The following NRSN1 variants were observed in gnomAD, a reference collection of about 807,000 sequenced individuals.
NRSN1 encodes neurensin-1.
A neutral mutation model predicts 17.3 loss-of-function variants in NRSN1; 14 were observed. That is an observed-to-expected ratio of 0.81 (90% CI 0.54 to 1.27). The LOEUF (loss-of-function observed/expected upper bound fraction) is 1.27. Among genes scored for constraint, NRSN1 ranks in the 50% most tolerant of loss-of-function variants. NRSN1 has a pLI of 0.00. For missense variants in NRSN1, 209 were observed against 235.9 expected, an observed-to-expected ratio of 0.89 and a Z score of 0.75; for synonymous variants, 79 against 94.2, an observed-to-expected ratio of 0.84 and a Z score of 0.93.
chr6:24,131,393 A>C lies in NRSN1; in HGVS notation c.-9-2926A>C, dbSNP rs901404748. On this transcript the variant is annotated intron_variant, in intron 2 of 3. Transcript: ENST00000378491. ...AAACATAACTCTTACTGTTGCTATGAGGGATTTTTTTTTATTCCTATCATA... is the reference window on the plus strand; with the variant it reads ...AAACATAACTCTTACTGTTGCTATGCGGGATTTTTTTTTATTCCTATCATA... 2.6e-5 allele frequency among the ~76,000 whole-genome samples: 4 copies of C among 152,118 alleles called. No homozygotes were observed. In the South Asian group the frequency reaches 8.3e-4, roughly 32 times the overall value.
At chr6:24,143,972 C>T (rs1374759611) in intron 3 of NRSN1, among the ~76,000 whole-genome samples, 5 of 152,176 alleles carry the variant, frequency 3.3e-5, no homozygotes, top group Non-Finnish European at 5.9e-5. Flanking sequence ...GTGGTAGAAT[C>T]GAAGCATGCG....
intron 3 of NRSN1, among the ~76,000 whole-genome samples, chr6:24,143,526 T>A (rs1165556977): frequency 2.6e-5 from 4 of 152,216 alleles, no homozygotes; most frequent in African/African-American, 4.8e-5. Context: ...TTTATTAGTA[T>A]ATTATCTCAA....
At chr6:24,140,135 T>G (rs2113715985) in intron 3 of NRSN1, among the ~76,000 whole-genome samples, 1 of 152,254 alleles carries the variant, frequency 6.6e-6, no homozygotes, top group Admixed American at 6.5e-5. Flanking sequence ...AAATTAGATT[T>G]GACATTAGAT....
Position 24,145,819 on chromosome 6 carries a change from T to C in NRSN1, c.461T>C (p.Phe154Ser). Reference protein sequence around the residue: ...SKEEKFLQQKFKERIADIKAH... With the variant: ...SKEEKFLQQKSKERIADIKAH... ...GAAGAAAAATTCCTCCAGCAGAAGT[T>C]TAAAGAACGAATCGCAGACATCAAA... Residue 154 changes from phenylalanine (F) to serine (S), a missense_variant, in exon 4 of 4, where the codon TTT (phenylalanine) becomes TCT (serine). Phe to Ser is a radical substitution (Grantham distance 155, BLOSUM62 -2). Transcript: ENST00000378491. This position sits in a 1 kb window ranked among gnomAD's most constrained non-coding sequence, Gnocchi z 4.4. 6.2e-7 allele frequency: 1 copy of C among 1,614,116 alleles called. No individual in the cohort carries two copies. Among genetic ancestry groups the C allele is most frequent in the Non-Finnish European group, 8.5e-7 (1 of 1,180,018 alleles).
At chr6:24,141,274 T>G in intron 3 of NRSN1, 1 of 1,249,340 alleles carries the variant, frequency 8.0e-7, no homozygotes, top group Non-Finnish European at 1.0e-6. Context: ...CCAGAGATAA[T>G]TTTTATGATA....
At chr6:24,127,635 A>G (rs1350635751) in intron 1 of NRSN1, among the ~76,000 whole-genome samples, 2 of 152,204 alleles carry the variant, frequency 1.3e-5, no homozygotes, top group African/African-American at 2.4e-5. Context: ...TAATAAGTAA[A>G]TCATCCAAAG....
At position 24,145,500 on chromosome 6, in the gene NRSN1, G is replaced by A. The variant is rs372957734; in HGVS notation, c.190-48G>A. On this transcript the variant is annotated intron_variant, in intron 3 of 3. Transcript: ENST00000378491. The surrounding 1 kb of genome is among the most constrained non-coding windows in gnomAD (Gnocchi z 4.4). ...GCCCTTGAGGGCTCAGGGGCGAGCC[G>A]AAGCACCTTCCTCACTCTATCTTGC... 149 of 1,476,608 alleles carry A rather than the reference G, an allele frequency of 1.0e-4. No homozygotes were observed. Among genetic ancestry groups the A allele is most frequent in the Admixed American group, 3.8e-4 (17 of 45,246 alleles). The allele number at this position is 1,476,608 out of a possible 1,614,324, so 91.5% of individuals were successfully genotyped here.
In NRSN1 at chr6:24,141,754, T is replaced by C. The variant is rs1215564936; in HGVS notation, c.190-3794T>C. On this transcript the variant is annotated intron_variant, in intron 3 of 3. Transcript: ENST00000378491. ...TGCTCAGCTGAGGAGCAGACTGCTC[T>C]GAGAATCAATCACCTGGCTCTGTGT... Among the ~76,000 whole-genome samples, 3 of 152,226 alleles carry C rather than the reference T, an allele frequency of 2.0e-5. No individual in the cohort carries two copies. In the East Asian group the frequency reaches 5.8e-4, roughly 29 times the overall value.
intron 2 of NRSN1, among the ~76,000 whole-genome samples, chr6:24,133,600 G>T (rs1197741694): frequency 2.2e-4 from 34 of 152,134 alleles, no homozygotes; most frequent in Non-Finnish European, 2.9e-5. Context: ...ACATGTAAGT[G>T]CAAAGACAAC....
intron 3 of NRSN1, among the ~76,000 whole-genome samples, chr6:24,144,851 A>G (rs1056806348): frequency 2.0e-5 from 3 of 151,894 alleles, no homozygotes; most frequent in Non-Finnish European, 4.4e-5. Context: ...GCTTCTAACA[A>G]TGTCGAGGCC....
intron 3 of NRSN1, among the ~76,000 whole-genome samples, chr6:24,144,752 T>G (rs1760274153): frequency 6.6e-6 from 1 of 152,162 alleles, no homozygotes; most frequent in South Asian, 2.1e-4. Flanking sequence ...TTTGTCTCAC[T>G]TCATCATGGT....
intron 2 of NRSN1, among the ~76,000 whole-genome samples, chr6:24,130,154 CT>C (rs1353626009): frequency 1.3e-5 from 2 of 152,240 alleles, no homozygotes; most frequent in East Asian, 3.9e-4. Flanking sequence ...TAGATTTAAC[CT>C]TTTTGTTGTT....
intron 3 of NRSN1, among the ~76,000 whole-genome samples, chr6:24,140,286 A>C (rs938840331): frequency 6.6e-6 from 1 of 152,152 alleles, no homozygotes; most frequent in Non-Finnish European, 1.5e-5. Flanking sequence ...GCTTTCGAAG[A>C]TGGAGGCAGT....
chr6:24,141,344 T>A, intron 3 of NRSN1: 1 of 954,492 alleles, frequency 1.0e-6, no homozygotes, highest in Non-Finnish European at 1.3e-6. Context: ...GTACCAAGAC[T>A]AAGCTGATGA....
chr6:24,145,717 C>G lies in NRSN1; in HGVS notation c.359C>G (p.Ala120Gly), dbSNP rs1162520267. 4 of 1,614,168 alleles carry G rather than the reference C, an allele frequency of 2.5e-6. No homozygotes were observed. Among genetic ancestry groups the G allele is most frequent in the Non-Finnish European group, 3.4e-6 (4 of 1,179,996 alleles). The change falls in exon 4 of 4, where the codon GCT becomes GGT. Residue 120 changes from alanine (A) to glycine (G), a missense_variant. Transcript: ENST00000378491. The surrounding 1 kb of genome is among the most constrained non-coding windows in gnomAD (Gnocchi z 4.4). ...CTGGACATGTACAAGCTGGCAGGAG[C>G]TGTTCTCTTCTGCATTGGAGGCACG... The part of the protein sequence containing the change: ...SALDMYKLAG[A>G]VLFCIGGTSM...
At position 24,137,284 on chromosome 6, in the gene NRSN1, C is replaced by T. The variant is rs576809867; in HGVS notation, c.189+2768C>T. Reference sequence around the variant, plus strand: ...TCTGAGTTAGAATCTTTATTGCATGCATCTGCATAACATCTATTTCACAGT... The same window carrying T: ...TCTGAGTTAGAATCTTTATTGCATGTATCTGCATAACATCTATTTCACAGT... On this transcript the variant is annotated intron_variant, in intron 3 of 3. Transcript: ENST00000378491. Among the ~76,000 whole-genome samples, 9 of 152,330 alleles carry T rather than the reference C, an allele frequency of 5.9e-5. No homozygotes were observed. In the East Asian group the frequency reaches 1.7e-3, roughly 29 times the overall value.
At chr6:24,133,438 C>T (rs997602427) in intron 2 of NRSN1, among the ~76,000 whole-genome samples, 1 of 152,134 alleles carries the variant, frequency 6.6e-6, no homozygotes, top group Non-Finnish European at 1.5e-5. Flanking sequence ...GTTAAAATGT[C>T]AGAGGAAGAT....
At chr6:24,133,172 A>G (rs1477692337) in intron 2 of NRSN1, among the ~76,000 whole-genome samples, 1 of 152,218 alleles carries the variant, frequency 6.6e-6, no homozygotes, top group Non-Finnish European at 1.5e-5. Flanking sequence ...TGCCTAGGAC[A>G]TAGTTTTATT....
rs550779617 is a variant in NRSN1 at position 24,146,014 on chromosome 6, G to C, written c.*68G>C. 4.7e-6 allele frequency: 7 copies of C among 1,502,422 alleles called. No homozygotes were observed. The highest frequency in any genetic ancestry group is 1.4e-5 in the African/African-American group (1 of 71,786). 93.1% of individuals were successfully genotyped at this position (1,502,422 alleles called of 1,614,324 possible). On this transcript the variant is annotated 3_prime_UTR_variant, in exon 4 of 4. Transcript: ENST00000378491. ...GGTTAAAAAGAGCAGGCCAGTTTTCGAGATAAAGAAGATTTGGCGTTGACT... is the reference window on the plus strand; with the variant it reads ...GGTTAAAAAGAGCAGGCCAGTTTTCCAGATAAAGAAGATTTGGCGTTGACT...
Sources: allele counts gnomAD v4.1 joint callset (sites outside exome capture counted in the v4.1 genomes callset), GRCh38; gene constraint gnomAD v4.1.1; non-coding constraint Gnocchi (gnomAD v3.1); transcripts MANE v1.5; gene names NCBI Gene and HGNC (gene_info 2026-07-23, HGNC 2026-07-21).